Variants in DAB1 observed in about 807,000 individuals in gnomAD.
DAB1 encodes disabled homolog 1.
In DAB1, 15 loss-of-function variants were observed where a neutral mutation model predicts 64.6. The ratio of observed to expected loss-of-function variants is 0.23; its 90% CI spans 0.16 to 0.36. DAB1 has a LOEUF of 0.36. Among genes scored for constraint, DAB1 ranks in the 10% least tolerant of loss-of-function variants. The pLI, the probability that DAB1 is intolerant of heterozygous loss-of-function variation, is 1.00. For synonymous variants in DAB1, 235 were observed against 251.9 expected (o/e 0.93, Z 0.64); for missense variants, 596 against 706.7 (o/e 0.84, Z 1.78).
At chr1:57,089,755 T>G (rs1653469450) in intron 4 of DAB1, among the ~76,000 whole-genome samples, 1 of 152,176 alleles carries the variant, frequency 6.6e-6, no homozygotes, top group Admixed American at 6.5e-5. Flanking sequence ...GGACATATAT[T>G]CAAGACATAT....
chr1:57,191,594 G>A (rs1236973366), intron 2 of DAB1, among the ~76,000 whole-genome samples: 3 of 152,118 alleles, frequency 2.0e-5, no homozygotes, highest in African/African-American at 7.2e-5. Flanking sequence ...AAGTTTAACA[G>A]TGTTCTACAA....
At chr1:57,034,802 C>A (rs1367161047) in intron 9 of DAB1, among the ~76,000 whole-genome samples, 1 of 152,174 alleles carries the variant, frequency 6.6e-6, no homozygotes, top group Non-Finnish European at 1.5e-5. Context: ...TTTGGCAATG[C>A]AGGAGTGGGA....
intron 7 of DAB1, among the ~76,000 whole-genome samples, chr1:57,578,629 A>G (rs114230779): frequency 0.016 from 2,465 of 152,368 alleles, 59 homozygotes; most frequent in African/African-American, 0.057. Flanking sequence ...GCAGGTGCTC[A>G]GTATATGCCA....
chr1:57,141,572 AC>A (rs1041538050), intron 3 of DAB1, among the ~76,000 whole-genome samples: 23 of 152,052 alleles, frequency 1.5e-4, no homozygotes, highest in Non-Finnish European at 1.3e-4. Context: ...AAATTTACCC[AC>A]CCATTGGAAG....
At chr1:57,203,772 C>T (rs546068781) in intron 2 of DAB1, among the ~76,000 whole-genome samples, 132 of 152,278 alleles carry the variant, frequency 8.7e-4, no homozygotes, top group Middle Eastern at 3.4e-3. Context: ...TCTCTTGGTG[C>T]CTATTTGCTT....
At chr1:57,705,307 G>C (rs1236677442) in intron 6 of DAB1, among the ~76,000 whole-genome samples, 1 of 151,986 alleles carries the variant, frequency 6.6e-6, no homozygotes, top group African/African-American at 2.4e-5. Flanking sequence ...TAATCTTTCA[G>C]CATCCTCATA....
intron 1 of DAB1, among the ~76,000 whole-genome samples, chr1:57,871,592 C>T (rs1278578420): frequency 6.6e-6 from 1 of 152,168 alleles, no homozygotes; most frequent in Non-Finnish European, 1.5e-5. Flanking sequence ...GGGATCCTAA[C>T]AGGTTTTATG....
intron 11 of DAB1, among the ~76,000 whole-genome samples, chr1:57,019,817 C>A (rs706354): frequency 6.6e-6 from 1 of 152,158 alleles, no homozygotes; most frequent in South Asian, 2.1e-4. Context: ...AAAGGGAACA[C>A]CTGCCTTGCT....
intron 7 of DAB1, among the ~76,000 whole-genome samples, chr1:57,463,632 G>C (rs1201551480): frequency 6.6e-6 from 1 of 152,104 alleles, no homozygotes; most frequent in Admixed American, 6.5e-5. Context: ...CAGAATTAAA[G>C]AGCGACTCTT....
chr1:58,287,357 T>A (rs1661709399), intron 4 of DAB1, among the ~76,000 whole-genome samples: 1 of 152,164 alleles, frequency 6.6e-6, no homozygotes, highest in Non-Finnish European at 1.5e-5. Flanking sequence ...TTAAAACAAC[T>A]TTTCGATTAT....
At chr1:58,173,521 C>A (rs1033534445) in intron 4 of DAB1, among the ~76,000 whole-genome samples, 2 of 152,154 alleles carry the variant, frequency 1.3e-5, no homozygotes, top group African/African-American at 4.8e-5. Context: ...TTTAATCACT[C>A]TCTTGAATGG....
At position 57,270,826 on chromosome 1, in the gene DAB1, G is replaced by A. The variant is rs561571115; in HGVS notation, c.67+20138C>T. Among the ~76,000 whole-genome samples the A allele has an allele frequency of 6.3e-4, 96 of 152,216 alleles. 2 individuals are homozygous for A. The highest frequency in any genetic ancestry group is 1.2e-4 in the Non-Finnish European group (8 of 68,026). On this transcript the variant is annotated intron_variant, in intron 2 of 14. Transcript: ENST00000371236. ...CTATTAGTGCCAGGCACCTTGCTTG[G>A]CCCTATCACACAGCTCCTACAAGTT...
intron 5 of DAB1, among the ~76,000 whole-genome samples, chr1:57,998,303 A>T (rs1646457081): frequency 6.6e-6 from 1 of 152,082 alleles, no homozygotes; most frequent in Non-Finnish European, 1.5e-5. Context: ...GGATAATAAT[A>T]GTGCTTCCTC....
chr1:57,201,122 G>A (rs555548145), intron 2 of DAB1, among the ~76,000 whole-genome samples: 21 of 152,286 alleles, frequency 1.4e-4, no homozygotes, highest in Admixed American at 3.3e-4. Context: ...TGTGTCTTCA[G>A]GAGCCATTGC....
At chr1:57,472,379 T>C (rs1399466358) in intron 7 of DAB1, among the ~76,000 whole-genome samples, 1 of 152,224 alleles carries the variant, frequency 6.6e-6, no homozygotes, top group African/African-American at 2.4e-5. Flanking sequence ...CCACCCCTCA[T>C]ATTGTCTTAT....
At chr1:57,962,014 T>A (rs1435347832) in intron 5 of DAB1, among the ~76,000 whole-genome samples, 1 of 151,416 alleles carries the variant, frequency 6.6e-6, no homozygotes, top group Non-Finnish European at 1.5e-5. Context: ...GGGAGCCAAC[T>A]GAACTTGGAG....
At chr1:57,732,455 T>G (rs1185339698) in intron 6 of DAB1, among the ~76,000 whole-genome samples, 1 of 152,180 alleles carries the variant, frequency 6.6e-6, no homozygotes, top group African/African-American at 2.4e-5. Flanking sequence ...GACCAATTGC[T>G]ACGATTCATC....
Position 57,221,895 on chromosome 1 carries a change from T to A in DAB1, c.67+69069A>T, listed in dbSNP as rs139400332. 1.8e-3 allele frequency among the ~76,000 whole-genome samples: 276 copies of A among 152,300 alleles called. 2 individuals are homozygous for A. Among genetic ancestry groups the A allele is most frequent in the African/African-American group, 6.2e-3 (258 of 41,578 alleles). ...TGGCCAGTAGTTAAATGTCATTTTT[T>A]TTTTTTTGCTTTATAGATTATTGTC... On this transcript the variant is annotated intron_variant, in intron 2 of 14. Coordinates refer to ENST00000371236, the MANE Select transcript of DAB1 (RefSeq NM_001365792.1).
intron 5 of DAB1, among the ~76,000 whole-genome samples, chr1:57,950,751 T>C (rs1645260866): frequency 6.6e-6 from 1 of 152,178 alleles, no homozygotes. Flanking sequence ...ATGTCTCCTC[T>C]TCAATTCAGA....
Sources: gnomAD v4.1 joint callset for allele counts (sites outside exome capture counted in the v4.1 genomes callset) on GRCh38, gnomAD v4.1.1 for gene constraint, MANE v1.5 for transcripts, NCBI Gene and HGNC (gene_info 2026-07-23, HGNC 2026-07-21) for gene names.